The following ARAP2 variants were observed in gnomAD, a reference collection of about 807,000 sequenced individuals.
The protein encoded by ARAP2 is arf-GAP with Rho-GAP domain, ANK repeat and PH domain-containing protein 2.
In ARAP2, 148 loss-of-function variants were observed where a neutral mutation model predicts 194.5. The observed-to-expected ratio is 0.76, with a 90% CI of 0.67 to 0.87. ARAP2 has a LOEUF of 0.87. Ranked by LOEUF, ARAP2 falls within the 40% of genes least tolerant of loss-of-function variation. The pLI, the probability that ARAP2 is intolerant of heterozygous loss-of-function variation, is 0.00. For missense variants in ARAP2, 2,128 were observed against 1,989.7 expected (o/e 1.07, Z -1.32); for synonymous variants, 695 against 683.5 (o/e 1.02, Z -0.26).
At chr4:36,172,935 T>A (rs769579335) in intron 9 of ARAP2, among the ~76,000 whole-genome samples, 6 of 152,148 alleles carry the variant, frequency 3.9e-5, no homozygotes, top group Non-Finnish European at 5.9e-5. Flanking sequence ...CATCGCCCTA[T>A]GAGGTCTATT....
chr4:36,114,698 T>A (rs1720908856), intron 25 of ARAP2, among the ~76,000 whole-genome samples: 1 of 151,976 alleles, frequency 6.6e-6, no homozygotes. Flanking sequence ...TTATACACAG[T>A]CAATGGCTAT....
intron 9 of ARAP2, among the ~76,000 whole-genome samples, chr4:36,008,437 G>A (rs528359361): frequency 1.3e-5 from 2 of 152,104 alleles, no homozygotes; most frequent in Admixed American, 1.3e-4. Flanking sequence ...AATAAGCAAT[G>A]GGGAAATGAC....
Position 36,128,737 on chromosome 4 carries a change from A to G in ARAP2, c.3436T>C (p.Cys1146Arg). Residue 1146 changes from cysteine to arginine, a missense_variant, in exon 21 of 33, where the codon TGC (cysteine) becomes CGC (arginine). Transcript: ENST00000303965. ...IAFVTQYGLGCKYIYQKNGDP... is the reference protein window; with the variant it reads ...IAFVTQYGLGRKYIYQKNGDP... ...CCATTCTTTTGATAGATATATTTGC[A>G]TCCTAAACCTTTGTTTAAAAAAAAA... 6.4e-7 allele frequency: 1 copy of G among 1,554,412 alleles called. No individual in the cohort carries two copies. Among genetic ancestry groups the G allele is most frequent in the South Asian group, 1.2e-5 (1 of 85,446 alleles).
At chr4:36,018,496 G>C (rs1312196858) in intron 6 of ARAP2, among the ~76,000 whole-genome samples, 1 of 147,466 alleles carries the variant, frequency 6.8e-6, no homozygotes, top group Non-Finnish European at 1.5e-5. Context: ...ATGTTTATTA[G>C]AACTGCCTAA....
chr4:36,083,379 C>A lies in ARAP2; in HGVS notation c.4497G>T (p.Lys1499Asn). 6.2e-7 allele frequency: 1 copy of A among 1,604,540 alleles called. No homozygotes were observed. Among genetic ancestry groups the A allele is most frequent in the East Asian group, 2.2e-5 (1 of 44,586 alleles). ...CTTTCAAACTTTACCTTGTTGGAGG[C>A]TTCATTTTCTTTTTCACTCCACGAT... ...KFYRGVKKKMKPPTSWGLTAY... is the reference protein window; with the variant it reads ...KFYRGVKKKMNPPTSWGLTAY... Residue 1499 changes from lysine (K) to asparagine (N), a missense_variant, in exon 29 of 33, where the codon AAG becomes AAT. Transcript: ENST00000303965.
In ARAP2 at chr4:36,229,408, A is replaced by C. The variant is rs772956476; in HGVS notation, c.79T>G (p.Phe27Val). 1 of 1,613,992 alleles carries C rather than the reference A, an allele frequency of 6.2e-7. No homozygotes were observed. The highest frequency in any genetic ancestry group is 1.1e-5 in the South Asian group (1 of 91,074). ...SINLEQYLLH[F>V]HESGFTTVKD... ...ACAGTAGTAAAACCAGACTCATGGA[A>C]ATGTAAGAGATACTGCTCCAAATTA... Residue 27 changes from phenylalanine (F) to valine (V), a missense_variant, in exon 2 of 33, where the codon TTC becomes GTC. Phe to Val is a conservative substitution (Grantham distance 50). Transcript: ENST00000303965.
intron 3 of ARAP2, 69 bp downstream of exon 3, chr4:36,214,353 A>G (rs1747436389): frequency 7.4e-7 from 1 of 1,345,644 alleles, no homozygotes; most frequent in Non-Finnish European, 1.0e-6. Context: ...CTTCGCAATC[A>G]TGATTTTAAC....
At chr4:36,097,797 C>T (rs76123749) in intron 27 of ARAP2, among the ~76,000 whole-genome samples, 326 of 152,168 alleles carry the variant, frequency 2.1e-3, no homozygotes, top group African/African-American at 7.7e-3. Context: ...TCTACTGAAT[C>T]ATAAAACCCT....
At position 36,068,615 on chromosome 4, in the gene ARAP2, G is replaced by A. The variant is rs563565030; in HGVS notation, c.4744-337C>T. 5.9e-5 allele frequency among the ~76,000 whole-genome samples: 9 copies of A among 152,196 alleles called. No individual in the cohort carries two copies. In the East Asian group the frequency reaches 1.4e-3, roughly 23 times the overall value. On this transcript the variant is annotated intron_variant, in intron 32 of 32. Coordinates refer to ENST00000303965, the MANE Select transcript of ARAP2 (RefSeq NM_015230.4). ...GTGATGCGCGGTAGGACACTCTCTC[G>A]TGATGATGGGCAGTGGCAATGAGCT...
chr4:36,153,060 A>G (rs1036928270), intron 15 of ARAP2, among the ~76,000 whole-genome samples: 1 of 152,228 alleles, frequency 6.6e-6, no homozygotes, highest in Non-Finnish European at 1.5e-5. Flanking sequence ...TGTAAATTCT[A>G]ATGGGAAACA....
At chr4:36,236,630 TG>T (rs1324687010) in intron 1 of ARAP2, among the ~76,000 whole-genome samples, 1 of 152,186 alleles carries the variant, frequency 6.6e-6, no homozygotes, top group African/African-American at 2.4e-5. Flanking sequence ...AAATGAATCA[TG>T]AAACTTTTCA....
chr4:36,213,134 T>C, intron 4 of ARAP2, 109 bp downstream of exon 4: 1 of 868,732 alleles, frequency 1.2e-6, no homozygotes, highest in Non-Finnish European at 1.8e-6. Flanking sequence ...AATTTCAATC[T>C]TCAATATAAT....
chr4:36,098,559 A>G (rs904947582), intron 27 of ARAP2, among the ~76,000 whole-genome samples: 7 of 152,128 alleles, frequency 4.6e-5, no homozygotes, highest in African/African-American at 1.7e-4. Context: ...TTAAAACATG[A>G]AATAAATGGA....
intron 19 of ARAP2, among the ~76,000 whole-genome samples, chr4:36,134,000 T>C (rs1726059038): frequency 6.6e-6 from 1 of 151,742 alleles, no homozygotes; most frequent in Non-Finnish European, 1.5e-5. Context: ...CAGATCTCCA[T>C]GTGACTGAAA....
chr4:36,040,311 G>A (rs1345172986), intron 5 of ARAP2, among the ~76,000 whole-genome samples: 8 of 152,154 alleles, frequency 5.3e-5, no homozygotes, highest in African/African-American at 1.2e-4. Context: ...AAACACATAC[G>A]ATGCCCATAT....
intron 5 of ARAP2, among the ~76,000 whole-genome samples, chr4:36,025,704 G>A (rs772672779): frequency 5.3e-5 from 8 of 151,798 alleles, no homozygotes; most frequent in Non-Finnish European, 1.0e-4. Flanking sequence ...ACCTTGAAAT[G>A]CAGAAGGTAA....
chr4:36,220,784 G>A (rs1748974211), intron 2 of ARAP2, among the ~76,000 whole-genome samples: 2 of 152,004 alleles, frequency 1.3e-5, no homozygotes, highest in South Asian at 4.1e-4. Flanking sequence ...GAATATTTTT[G>A]TGCAGCTGTA....
intron 26 of ARAP2, among the ~76,000 whole-genome samples, chr4:36,113,439 C>G (rs182654570): frequency 6.6e-6 from 1 of 151,966 alleles, no homozygotes; most frequent in Non-Finnish European, 1.5e-5. Flanking sequence ...TAATAACACA[C>G]TATGGGGTAT....
At chr4:36,225,321 G>A (rs1193155678) in intron 2 of ARAP2, among the ~76,000 whole-genome samples, 2 of 152,156 alleles carry the variant, frequency 1.3e-5, no homozygotes, top group African/African-American at 4.8e-5. Flanking sequence ...AAAGCGAGGA[G>A]GAAAAATGTA....
Sources: gnomAD v4.1 joint callset for allele counts (sites outside exome capture counted in the v4.1 genomes callset) on GRCh38, gnomAD v4.1.1 for gene constraint, MANE v1.5 for transcripts, NCBI Gene and HGNC (gene_info 2026-07-23, HGNC 2026-07-21) for gene names.